Variants in ASIC2 observed in about 807,000 individuals in gnomAD.
ASIC2 encodes acid sensing ion channel subunit 2.
In ASIC2, 25 loss-of-function variants were observed where a neutral mutation model predicts 57.3. That is an observed-to-expected ratio of 0.44 (90% CI 0.32 to 0.61). ASIC2 has a LOEUF of 0.61. ASIC2 is among the 20% of genes least tolerant of loss of function. ASIC2 has a pLI of 0.06. For synonymous variants in ASIC2, 319 were observed against 307.5 expected (o/e 1.04, Z -0.39); for missense variants, 641 against 738.1 (o/e 0.87, Z 1.52).
At position 33,561,005 on chromosome 17, in the gene ASIC2, T is replaced by A. The variant is rs143002442; in HGVS notation, c.556-448938A>T. ...TTTTTGTATGCAGTAGTAGGTGGCA[T>A]ACTTCTGGGCAGTCTAAATTTTCAG... On this transcript the variant is annotated intron_variant, in intron 1 of 9. Coordinates refer to the ASIC2 transcript ENST00000359872. Among the ~76,000 whole-genome samples the A allele has an allele frequency of 3.3e-5, 5 of 152,274 alleles. No homozygotes were observed. In the East Asian group the frequency reaches 9.6e-4, roughly 29 times the overall value.
At chr17:33,614,302 G>A (rs570078522) in intron 1 of ASIC2, among the ~76,000 whole-genome samples, 4 of 152,260 alleles carry the variant, frequency 2.6e-5, no homozygotes, top group South Asian at 2.1e-4. Context: ...ACCTTCAGAC[G>A]GAGCTGTACC....
intron 1 of ASIC2, among the ~76,000 whole-genome samples, chr17:33,385,661 C>G (rs965993204): frequency 1.3e-5 from 2 of 152,290 alleles, no homozygotes; most frequent in Non-Finnish European, 1.5e-5. Flanking sequence ...ATGAGGCCTG[C>G]CGGAGTGAAA....
At chr17:33,055,258 C>T (rs974970905) in intron 3 of ASIC2, among the ~76,000 whole-genome samples, 1 of 152,202 alleles carries the variant, frequency 6.6e-6, no homozygotes, top group Non-Finnish European at 1.5e-5. Context: ...TGCAGGAATT[C>T]CTTGGGTGTC....
intron 1 of ASIC2, among the ~76,000 whole-genome samples, chr17:33,177,750 G>A (rs527300923): frequency 3.9e-5 from 6 of 152,254 alleles, no homozygotes; most frequent in African/African-American, 1.4e-4. Context: ...ATCTGGTAAC[G>A]GTGGAGACCC....
At chr17:34,100,483 G>T (rs1000966715) in intron 1 of ASIC2, among the ~76,000 whole-genome samples, 3 of 152,086 alleles carry the variant, frequency 2.0e-5, no homozygotes, top group Non-Finnish European at 2.9e-5. Flanking sequence ...TTGGCAACTG[G>T]AGCAGGGCAG....
At chr17:33,575,877 C>T (rs1567656048) in intron 1 of ASIC2, among the ~76,000 whole-genome samples, 2 of 152,110 alleles carry the variant, frequency 1.3e-5, no homozygotes, top group African/African-American at 2.4e-5. Context: ...AGCAAACGCC[C>T]CACAGCTAAT....
At chr17:33,470,528 G>T (rs1349013068) in intron 1 of ASIC2, among the ~76,000 whole-genome samples, 1 of 152,142 alleles carries the variant, frequency 6.6e-6, no homozygotes, top group Non-Finnish European at 1.5e-5. Flanking sequence ...TTCTGATTCA[G>T]GGGTCTGGAG....
In ASIC2 at chr17:33,127,023, G is replaced by T. The variant is rs559679936; in HGVS notation, c.709-14956C>A. On this transcript the variant is annotated intron_variant, in intron 1 of 9. Transcript: ENST00000225823. ...GCTGGGACTACAGGCGCCCGCCACC[G>T]CGCCCGGCTAATTTTTTTTGTATTT... 5.3e-5 allele frequency among the ~76,000 whole-genome samples: 8 copies of T among 150,288 alleles called. No homozygotes were observed. The East Asian group carries it at 1.6e-3, about 30-fold the overall frequency.
intron 1 of ASIC2, among the ~76,000 whole-genome samples, chr17:33,178,260 A>T (rs563557074): frequency 1.3e-5 from 2 of 152,214 alleles, no homozygotes; most frequent in African/African-American, 4.8e-5. Flanking sequence ...CATAATAAAT[A>T]TATATAACTT....
intron 1 of ASIC2, among the ~76,000 whole-genome samples, chr17:33,466,371 C>T (rs1489386388): frequency 1.3e-5 from 2 of 152,162 alleles, no homozygotes; most frequent in African/African-American, 4.8e-5. Context: ...ACATTCCATG[C>T]TCATGGATTG....
intron 1 of ASIC2, among the ~76,000 whole-genome samples, chr17:34,075,701 C>G (rs1197140160): frequency 6.6e-6 from 1 of 152,090 alleles, no homozygotes; most frequent in East Asian, 1.9e-4. Context: ...CTCCAGCCTT[C>G]TTTCTATTCC....
At chr17:33,799,730 A>T (rs1191512653) in intron 1 of ASIC2, among the ~76,000 whole-genome samples, 1 of 151,666 alleles carries the variant, frequency 6.6e-6, no homozygotes, top group Non-Finnish European at 1.5e-5. Flanking sequence ...CACAAGCCAC[A>T]TCTGCCAGTC....
At chr17:33,328,783 G>A (rs1307645052) in intron 1 of ASIC2, among the ~76,000 whole-genome samples, 1 of 152,128 alleles carries the variant, frequency 6.6e-6, no homozygotes, top group Admixed American at 6.5e-5. Flanking sequence ...CACAGTTGTT[G>A]TTTATGAAGT....
At chr17:33,424,303 G>C (rs1205467569) in intron 1 of ASIC2, among the ~76,000 whole-genome samples, 1 of 152,172 alleles carries the variant, frequency 6.6e-6, no homozygotes. Context: ...ATTAAATAAT[G>C]TCCAGCTGTC....
Position 33,054,013 on chromosome 17 carries a change from G to A in ASIC2, c.988-25621C>T, listed in dbSNP as rs185331394. On this transcript the variant is annotated intron_variant, in intron 3 of 9. Coordinates refer to ENST00000225823, the MANE Select transcript of ASIC2 (RefSeq NM_183377.2). The stretch of plus-strand genomic sequence containing the variant: ...TCTCCTTCCCTTTCACCACAATGCC[G>A]CACCTACCTTTGCTCTCCTGTATCC... 9.3e-4 allele frequency among the ~76,000 whole-genome samples: 142 copies of A among 152,036 alleles called. 1 individual carries two copies. The highest frequency in any genetic ancestry group is 3.3e-3 in the African/African-American group (138 of 41,470).
intron 1 of ASIC2, among the ~76,000 whole-genome samples, chr17:33,628,743 A>G (rs1000471599): frequency 6.6e-6 from 1 of 152,178 alleles, no homozygotes; most frequent in Non-Finnish European, 1.5e-5. Flanking sequence ...TCCCCATAAC[A>G]GCCCTCTGAG....
chr17:33,961,490 T>G (rs966985052), intron 1 of ASIC2, among the ~76,000 whole-genome samples: 1 of 152,176 alleles, frequency 6.6e-6, no homozygotes, highest in Admixed American at 6.5e-5. Flanking sequence ...GCCCTCCAAC[T>G]CCACCTGGCT....
chr17:33,512,216 A>G (rs780024679), intron 1 of ASIC2, among the ~76,000 whole-genome samples: 11 of 152,352 alleles, frequency 7.2e-5, no homozygotes, highest in Admixed American at 2.6e-4. Flanking sequence ...TGCAGTCACT[A>G]TCTATGCTGA....
chr17:33,534,130 G>A (rs1380409880), intron 1 of ASIC2: 3 of 152,118 alleles, frequency 2.0e-5, no homozygotes. Context: ...CCAGAGCTCA[G>A]CTCCCAAGAA....
Sources: allele counts gnomAD v4.1 joint callset (sites outside exome capture counted in the v4.1 genomes callset), GRCh38; gene constraint gnomAD v4.1.1; transcripts MANE v1.5; gene names NCBI Gene and HGNC (gene_info 2026-07-23, HGNC 2026-07-21).